Variants in RCN1 observed in about 807,000 individuals in gnomAD.
RCN1 encodes the protein reticulocalbin-1.
In RCN1, 14 loss-of-function variants were observed where a neutral mutation model predicts 34.7. That is an observed-to-expected ratio of 0.40 (90% CI 0.27 to 0.63). The LOEUF (loss-of-function observed/expected upper bound fraction) is 0.63, where lower values mean the gene tolerates loss of function less well. RCN1 is among the 30% of genes least tolerant of loss of function. The probability of loss-of-function intolerance (pLI) is 0.37; values close to 1 mark genes in which losing one functional copy is unlikely to be tolerated. For missense variants in RCN1, 326 were observed against 425.1 expected (o/e 0.77, Z 2.05); for synonymous variants, 125 against 165.5 (o/e 0.76, Z 1.88).
chr11:32,099,134 A>G (rs959016514), intron 3 of RCN1, among the ~76,000 whole-genome samples: 10 of 152,120 alleles, frequency 6.6e-5, no homozygotes, highest in African/African-American at 2.4e-4. Context: ...CCTGGCCAAT[A>G]TGTTGAAATG....
At chr11:32,102,988 C>T (rs1226772688) in intron 4 of RCN1, 1 of 523,164 alleles carries the variant, frequency 1.9e-6, no homozygotes, top group Non-Finnish European at 3.7e-6. Flanking sequence ...TATAAATTAT[C>T]ATCTCCATTT....
chr11:32,099,320 CAA>C (rs201133722), intron 3 of RCN1, among the ~76,000 whole-genome samples: 21,033 of 120,832 alleles, frequency 0.17, 1,502 homozygotes, highest in East Asian at 0.32. Flanking sequence ...GACTCCTTCT[CAA>C]AAAAAAAAAA....
intron 2 of RCN1, among the ~76,000 whole-genome samples, chr11:32,097,695 G>A (rs1328451674): frequency 2.0e-5 from 3 of 152,166 alleles, no homozygotes; most frequent in African/African-American, 4.8e-5. Flanking sequence ...TGAGTGGGCC[G>A]GAGCAGTCAG....
intron 2 of RCN1, among the ~76,000 whole-genome samples, chr11:32,097,571 A>G (rs1280312891): frequency 6.6e-6 from 1 of 152,200 alleles, no homozygotes; most frequent in Admixed American, 6.5e-5. Flanking sequence ...AAAATCCCTT[A>G]GATTGAGACC....
chr11:32,096,969 T>C, intron 1 of RCN1, 175 bp from the exon 2 acceptor site: 2 of 560,880 alleles, frequency 3.6e-6, no homozygotes, highest in South Asian at 6.4e-5. Flanking sequence ...CTTGGAAGGA[T>C]AAACTTGAAG....
Position 32,091,237 on chromosome 11 carries a change from T to C in RCN1, c.41T>C (p.Leu14Pro), listed in dbSNP as rs1255286560. The C allele has an allele frequency of 2.2e-5, 34 of 1,527,778 alleles. 1 individual carries two copies. The East Asian group carries it at 8.4e-4, about 38-fold the overall frequency. The allele number at this position is 1,527,778 out of a possible 1,614,324, so 94.6% of individuals were successfully genotyped here. A position where few individuals can be genotyped will look rare whatever the true frequency, so the allele number is the denominator to read the frequency against. Residue 14 changes from leucine (L) to proline (P), a missense_variant, in exon 1 of 6, where the codon CTG becomes CCG. By Grantham distance (98) the Leu-to-Pro change is moderately conservative. Coordinates refer to ENST00000054950, the MANE Select transcript of RCN1 (RefSeq NM_002901.4). ...CGCGGCCGCCGCCTGGGGTTAGCCCTGGGGCTGCTGCTGGCGCTGGTGCTG... is the reference window on the plus strand; with the variant it reads ...CGCGGCCGCCGCCTGGGGTTAGCCCCGGGGCTGCTGCTGGCGCTGGTGCTG... Reference protein sequence around the residue: ...GGRGRRLGLALGLLLALVLAP... With the variant: ...GGRGRRLGLAPGLLLALVLAP...
intron 5 of RCN1, among the ~76,000 whole-genome samples, chr11:32,104,006 C>A (rs950213749): frequency 6.6e-6 from 1 of 152,200 alleles, no homozygotes; most frequent in East Asian, 1.9e-4. Flanking sequence ...TTGCTGATTG[C>A]CCCCAAATTC....
chr11:32,100,873 G>T (rs1852029850), intron 4 of RCN1, among the ~76,000 whole-genome samples: 1 of 152,144 alleles, frequency 6.6e-6, no homozygotes, highest in Admixed American at 6.5e-5. Context: ...ACTCTGAGAG[G>T]TGCCCTTCAT....
chr11:32,097,459 C>A (rs917824514), intron 2 of RCN1, 122 bp downstream of exon 2: 13 of 591,502 alleles, frequency 2.2e-5, no homozygotes, highest in African/African-American at 1.3e-4. Context: ...CTAAGTAGAA[C>A]CTGCTTGTAT....
intron 5 of RCN1, 82 bp downstream of exon 5, chr11:32,103,562 C>A: frequency 1.6e-6 from 2 of 1,219,256 alleles, no homozygotes; most frequent in Non-Finnish European, 2.4e-6. Flanking sequence ...TCGGCGATAG[C>A]ATTGACCCAT....
intron 2 of RCN1, 114 bp from the exon 3 acceptor site, chr11:32,098,236 G>A (rs1015492490): frequency 1.8e-5 from 16 of 865,842 alleles, no homozygotes; most frequent in African/African-American, 8.6e-5. Flanking sequence ...TCAGTAGGTC[G>A]GGACCTTTTT....
chr11:32,097,915 G>T (rs1168873577), intron 2 of RCN1, among the ~76,000 whole-genome samples: 1 of 152,180 alleles, frequency 6.6e-6, no homozygotes, highest in Non-Finnish European at 1.5e-5. Flanking sequence ...GCATGGTGAG[G>T]TTGGCAAAGA....
At position 32,097,136 on chromosome 11, in the gene RCN1, T is replaced by TG; in HGVS notation, c.255-8_255-7insG. ...GTGGGTTTCTTTTTTTTTTTTTTTG[T>TG]ACTGCAGGAAGATTGTTGATCGAAT... On this transcript the variant is annotated splice_region_variant and splice_polypyrimidine_tract_variant and intron_variant, in intron 1 of 5. Coordinates refer to ENST00000054950, the MANE Select transcript of RCN1 (RefSeq NM_002901.4). 1 of 1,464,158 alleles carries TG rather than the reference T, an allele frequency of 6.8e-7. No homozygotes were observed. The highest frequency in any genetic ancestry group is 9.0e-7 in the Non-Finnish European group (1 of 1,110,224). The allele number at this position is 1,464,158 out of a possible 1,614,324, so 90.7% of individuals were successfully genotyped here. A position where few individuals can be genotyped will look rare whatever the true frequency, so the allele number is the denominator to read the frequency against.
At chr11:32,096,276 T>G (rs962790980) in intron 1 of RCN1, among the ~76,000 whole-genome samples, 7 of 152,198 alleles carry the variant, frequency 4.6e-5, no homozygotes, top group Admixed American at 3.9e-4. Flanking sequence ...AGTTCCCCAC[T>G]GGGATGCTGT....
In RCN1 at chr11:32,097,135, G is replaced by GT; in HGVS notation, c.255-8dup. 1 of 984,374 alleles carries GT rather than the reference G, an allele frequency of 1.0e-6. No homozygotes were observed. The highest frequency in any genetic ancestry group is 3.6e-5 in the South Asian group (1 of 27,478). 61.0% of individuals were successfully genotyped at this position (984,374 alleles called of 1,614,324 possible). The stretch of plus-strand genomic sequence containing the variant: ...TGTGGGTTTCTTTTTTTTTTTTTTT[G>GT]TACTGCAGGAAGATTGTTGATCGAA... On this transcript the variant is annotated splice_polypyrimidine_tract_variant and intron_variant, in intron 1 of 5. Transcript: ENST00000054950.
chr11:32,092,936 G>GA, intron 1 of RCN1, among the ~76,000 whole-genome samples: 1 of 152,306 alleles, frequency 6.6e-6, no homozygotes, highest in East Asian at 1.9e-4. Flanking sequence ...AAAGACCTTT[G>GA]AACTTCAAAG....
chr11:32,094,679 TCTTTAGTGAGGAAAAGCATGC>T (rs1851953710), intron 1 of RCN1, among the ~76,000 whole-genome samples: 1 of 152,196 alleles, frequency 6.6e-6, no homozygotes, highest in Non-Finnish European at 1.5e-5. Context: ...TAGATTATTG[TCTTTAGTGAGGAAAAGCATGC>T]ATTCTCTCCT....
rs11529889 is a variant in RCN1 at position 32,104,415 on chromosome 11, C to T, written c.939C>T (p.Val313=). Residue 313 remains valine, a synonymous_variant, in exon 6 of 6, where the codon GTC becomes GTT. Transcript: ENST00000054950. The part of the protein sequence containing the change: ...EEILENWNMF[V]GSQATNYGED... Reference sequence around the variant, plus strand: ...TATTGGAGAACTGGAACATGTTTGTCGGAAGCCAAGCTACCAATTACGGGG... The same window carrying T: ...TATTGGAGAACTGGAACATGTTTGTTGGAAGCCAAGCTACCAATTACGGGG... 713,094 of 1,449,188 alleles carry T rather than the reference C, an allele frequency of 0.49. 189,988 individuals carry two copies. The highest frequency in any genetic ancestry group is 0.68 in the East Asian group (29,611 of 43,794). The allele number at this position is 1,449,188 out of a possible 1,614,324, so 89.8% of individuals were successfully genotyped here.
chr11:32,096,769 A>G, intron 1 of RCN1: 1 of 178,942 alleles, frequency 5.6e-6, no homozygotes. Context: ...CTCCAAAATG[A>G]GGGTGCTGGA....
Sources: gnomAD v4.1 joint callset for allele counts (sites outside exome capture counted in the v4.1 genomes callset) on GRCh38, gnomAD v4.1.1 for gene constraint, MANE v1.5 for transcripts, NCBI Gene and HGNC (gene_info 2026-07-23, HGNC 2026-07-21) for gene names.